The following IPCEF1 variants were observed in gnomAD, a reference collection of about 807,000 sequenced individuals.
IPCEF1 encodes interactor protein for cytohesin exchange factors 1.
In IPCEF1, 31 loss-of-function variants were observed where a neutral mutation model predicts 50.9. The observed-to-expected ratio is 0.61, with a 90% CI of 0.46 to 0.82. The LOEUF (loss-of-function observed/expected upper bound fraction) is 0.82, where lower values mean the gene tolerates loss of function less well. Among genes scored for constraint, IPCEF1 ranks in the 40% least tolerant of loss-of-function variants. The pLI is 0.00. For missense variants in IPCEF1, 458 were observed against 514.0 expected, an observed-to-expected ratio of 0.89 and a Z score of 1.05; for synonymous variants, 181 against 192.0, an observed-to-expected ratio of 0.94 and a Z score of 0.47.
At chr6:154,167,419 T>C (rs1799529548) in intron 11 of IPCEF1, among the ~76,000 whole-genome samples, 1 of 152,202 alleles carries the variant, frequency 6.6e-6, no homozygotes, top group African/African-American at 2.4e-5. Flanking sequence ...TTGGCTGCAG[T>C]GCCCACAGCT....
At chr6:154,268,257 A>G (rs9479806) in intron 2 of IPCEF1, among the ~76,000 whole-genome samples, 1 of 152,054 alleles carries the variant, frequency 6.6e-6, no homozygotes, top group Non-Finnish European at 1.5e-5. Context: ...CAGGCCCCCA[A>G]GAGTGCAGTG....
At chr6:154,239,450 T>A (rs895206391) in intron 5 of IPCEF1, among the ~76,000 whole-genome samples, 1 of 152,180 alleles carries the variant, frequency 6.6e-6, no homozygotes, top group Non-Finnish European at 1.5e-5. Context: ...GTAACAGAAT[T>A]CAAGAAAGTC....
At chr6:154,325,685 T>C (rs1208133893) in intron 1 of IPCEF1, among the ~76,000 whole-genome samples, 1 of 152,194 alleles carries the variant, frequency 6.6e-6, no homozygotes, top group African/African-American at 2.4e-5. Context: ...ATAATAAAAA[T>C]CTTTAATCCT....
chr6:154,173,318 A>T (rs1175685181), intron 10 of IPCEF1, among the ~76,000 whole-genome samples: 1 of 152,174 alleles, frequency 6.6e-6, no homozygotes, highest in African/African-American at 2.4e-5. Context: ...TGGAGAATGA[A>T]TTTGATGAGT....
intron 1 of IPCEF1, among the ~76,000 whole-genome samples, chr6:154,344,973 G>A (rs1328155990): frequency 6.6e-6 from 1 of 152,126 alleles, no homozygotes; most frequent in Admixed American, 6.5e-5. Context: ...GGGTTCAAGG[G>A]ATCCTCCATC....
chr6:154,290,199 A>C (rs1782478083), intron 1 of IPCEF1, among the ~76,000 whole-genome samples: 1 of 151,938 alleles, frequency 6.6e-6, no homozygotes, highest in Non-Finnish European at 1.5e-5. Context: ...TTAGCATATG[A>C]CCTCCCTCTG....
At position 154,307,125 on chromosome 6, in the gene IPCEF1, A is replaced by C. The variant is rs1782955794; in HGVS notation, c.-61-17369T>G. On this transcript the variant is annotated intron_variant, in intron 1 of 11. Transcript: ENST00000367220. ...TTTTCTAAAGGCCCTGCCTATCTCCAAATACAATCTGATATGGTTTGGCTC... is the reference window on the plus strand; with the variant it reads ...TTTTCTAAAGGCCCTGCCTATCTCCCAATACAATCTGATATGGTTTGGCTC... Among the ~76,000 whole-genome samples the C allele has an allele frequency of 1.1e-4, 17 of 152,222 alleles. 1 individual carries two copies. In the South Asian group the frequency reaches 3.5e-3, roughly 32 times the overall value.
intron 5 of IPCEF1, among the ~76,000 whole-genome samples, chr6:154,244,285 GGT>G (rs1780839708): frequency 1.7e-5 from 2 of 115,728 alleles, no homozygotes; most frequent in African/African-American, 7.2e-5. Flanking sequence ...ATTAAGATTC[GGT>G]GTGTGTGTGG....
Position 154,158,304 on chromosome 6 carries a change from T to C in IPCEF1, c.*1524A>G, listed in dbSNP as rs900312103. On this transcript the variant is annotated 3_prime_UTR_variant, in exon 12 of 12. Transcript: ENST00000367220. Reference sequence around the variant, plus strand: ...ATGGGTACTTGGTGGGTTGTGGTTATTCCTATGGTGAGAAATATTCATGGT... The same window carrying C: ...ATGGGTACTTGGTGGGTTGTGGTTACTCCTATGGTGAGAAATATTCATGGT... 9 of 152,354 alleles carry C rather than the reference T, an allele frequency of 5.9e-5. No individual in the cohort carries two copies. The highest frequency in any genetic ancestry group is 2.1e-4 in the South Asian group (1 of 4,830). The allele number at this position is 152,354 out of a possible 1,614,324, so 9.4% of individuals were successfully genotyped here. A position where few individuals can be genotyped will look rare whatever the true frequency, so the allele number is the denominator to read the frequency against.
chr6:154,306,432 C>T (rs1200540993), intron 1 of IPCEF1, among the ~76,000 whole-genome samples: 2 of 152,066 alleles, frequency 1.3e-5, no homozygotes, highest in Non-Finnish European at 1.5e-5. Flanking sequence ...GAGACAGGGT[C>T]TCTCTATGTT....
At chr6:154,313,424 A>G (rs938022911) in intron 1 of IPCEF1, among the ~76,000 whole-genome samples, 1 of 152,044 alleles carries the variant, frequency 6.6e-6, no homozygotes, top group African/African-American at 2.4e-5. Context: ...GATTTCTTAG[A>G]GAGTTTAAAC....
chr6:154,318,576 G>T (rs1012493509), intron 1 of IPCEF1, among the ~76,000 whole-genome samples: 4 of 151,790 alleles, frequency 2.6e-5, no homozygotes, highest in Admixed American at 1.3e-4. Flanking sequence ...TCTTGGCCGG[G>T]TGTGGTGGCT....
At chr6:154,193,161 T>A (rs980975426) in intron 10 of IPCEF1, among the ~76,000 whole-genome samples, 2 of 152,156 alleles carry the variant, frequency 1.3e-5, no homozygotes, top group Non-Finnish European at 2.9e-5. Flanking sequence ...CTGTGGTACA[T>A]ATATACCATA....
chr6:154,233,424 A>C (rs937060977), intron 5 of IPCEF1, among the ~76,000 whole-genome samples: 1 of 152,164 alleles, frequency 6.6e-6, no homozygotes, highest in African/African-American at 2.4e-5. Flanking sequence ...TTTTACTAAA[A>C]TATTGTTGCG....
Position 154,343,897 on chromosome 6 carries a change from T to G in IPCEF1, c.-62+12775A>C, listed in dbSNP as rs1200126826. On this transcript the variant is annotated intron_variant, in intron 1 of 11. Transcript: ENST00000367220. Reference sequence around the variant, plus strand: ...AGATTCCCACATGTCCTCTTGCCCTTGCCCCGTGGTGTGCCTGGCAGCATG... The same window carrying G: ...AGATTCCCACATGTCCTCTTGCCCTGGCCCCGTGGTGTGCCTGGCAGCATG... 2.6e-5 allele frequency among the ~76,000 whole-genome samples: 4 copies of G among 152,228 alleles called. No homozygotes were observed. In the South Asian group the frequency reaches 6.2e-4, roughly 24 times the overall value.
At chr6:154,185,813 A>T (rs1424943980) in intron 10 of IPCEF1, among the ~76,000 whole-genome samples, 2 of 152,256 alleles carry the variant, frequency 1.3e-5, no homozygotes, top group Non-Finnish European at 2.9e-5. Context: ...TAATGTTATA[A>T]GAAAGTTGAT....
intron 3 of IPCEF1, 22 bp downstream of exon 3, chr6:154,265,890 G>A: frequency 6.5e-7 from 1 of 1,550,266 alleles, no homozygotes; most frequent in Non-Finnish European, 8.8e-7. Flanking sequence ...CTAAAGCCTG[G>A]GGTATTCCAA....
chr6:154,325,552 C>T (rs1231677643), intron 1 of IPCEF1, among the ~76,000 whole-genome samples: 1 of 152,030 alleles, frequency 6.6e-6, no homozygotes, highest in Non-Finnish European at 1.5e-5. Flanking sequence ...TACTTTATTC[C>T]ACAAATATTT....
chr6:154,307,381 C>A (rs149484053), intron 1 of IPCEF1, among the ~76,000 whole-genome samples: 1 of 152,178 alleles, frequency 6.6e-6, no homozygotes, highest in African/African-American at 2.4e-5. Flanking sequence ...CCTTGCCTTC[C>A]GCCATGGTTG....
Sources: gnomAD v4.1 joint callset for allele counts (sites outside exome capture counted in the v4.1 genomes callset) on GRCh38, gnomAD v4.1.1 for gene constraint, MANE v1.5 for transcripts, NCBI Gene and HGNC (gene_info 2026-07-23, HGNC 2026-07-21) for gene names.